The following EGLN1 variants were observed in gnomAD, a reference collection of about 807,000 sequenced individuals.
EGLN1 encodes egl nine homolog 1.
In EGLN1, 17 loss-of-function variants were observed where a neutral mutation model predicts 38.3. The ratio of observed to expected loss-of-function variants is 0.44; its 90% CI spans 0.30 to 0.67. The LOEUF (loss-of-function observed/expected upper bound fraction) is 0.67. Ranked by LOEUF, EGLN1 falls within the 30% of genes least tolerant of loss-of-function variation. The pLI, the probability that EGLN1 is intolerant of heterozygous loss-of-function variation, is 0.08. For synonymous variants in EGLN1, 283 were observed against 257.5 expected, an observed-to-expected ratio of 1.10 and a Z score of -0.95; for missense variants, 477 against 603.3, an observed-to-expected ratio of 0.79 and a Z score of 2.19.
Position 231,421,290 on chromosome 1 carries a change from G to A in EGLN1, c.599C>T (p.Pro200Leu). The A allele has an allele frequency of 1.2e-6, 2 of 1,613,246 alleles. No homozygotes were observed. The highest frequency in any genetic ancestry group is 1.7e-6 in the Non-Finnish European group (2 of 1,179,948). Residue 200 changes from proline (P) to leucine (L), a missense_variant, in exon 1 of 5, where the codon CCG becomes CTG. By Grantham distance (98) the Pro-to-Leu change is moderately conservative. Around this residue, in one of 4 missense-constraint regions of EGLN1, gnomAD observed 119 missense variants for 179.0 expected, o/e 0.66. Coordinates refer to ENST00000366641, the MANE Select transcript of EGLN1 (RefSeq NM_022051.3). This position sits in a 1 kb window ranked among gnomAD's most constrained non-coding sequence, Gnocchi z 5.5. The stretch of plus-strand genomic sequence containing the variant: ...ACAGATGCCGTGCTTGTTCATGCAC[G>A]GCACGATGTACTCGAGCGCCAGCTT... ...ALKLALEYIV[P>L]CMNKHGICVV...
chr1:231,390,635 A>G (rs971468284), intron 1 of EGLN1, among the ~76,000 whole-genome samples: 3 of 152,192 alleles, frequency 2.0e-5, no homozygotes, highest in Admixed American at 6.5e-5. Flanking sequence ...AGCTAACCAC[A>G]TGCCTAGTAA....
At chr1:231,404,946 A>C (rs1006506335) in intron 1 of EGLN1, among the ~76,000 whole-genome samples, 3 of 152,130 alleles carry the variant, frequency 2.0e-5, no homozygotes, top group Non-Finnish European at 4.4e-5. Context: ...CCTTTCTCAC[A>C]GTGCCAAATC....
At chr1:231,402,663 G>A (rs1688692226) in intron 1 of EGLN1, among the ~76,000 whole-genome samples, 2 of 152,136 alleles carry the variant, frequency 1.3e-5, no homozygotes, top group African/African-American at 2.4e-5. Flanking sequence ...TGGAACCCCT[G>A]ACCTCAAGTG....
chr1:231,411,558 C>T (rs979076447), intron 1 of EGLN1, among the ~76,000 whole-genome samples: 1 of 152,146 alleles, frequency 6.6e-6, no homozygotes, highest in African/African-American at 2.4e-5. Context: ...GATGAGATTA[C>T]AGCTTCCTGG....
intron 2 of EGLN1, among the ~76,000 whole-genome samples, chr1:231,373,185 G>C (rs538563446): frequency 1.3e-5 from 2 of 152,254 alleles, no homozygotes; most frequent in Admixed American, 1.3e-4. Flanking sequence ...TACAGGGCTT[G>C]TCAGTACTGA....
rs550228392 is a variant in EGLN1 at position 231,382,022 on chromosome 1, C to G, written c.892-7923G>C. Among the ~76,000 whole-genome samples, 76 of 152,330 alleles carry G rather than the reference C, an allele frequency of 5.0e-4. 1 individual carries two copies. Among genetic ancestry groups the G allele is most frequent in the Admixed American group, 5.0e-3 (76 of 15,310 alleles). On this transcript the variant is annotated intron_variant, in intron 1 of 4. Transcript: ENST00000366641. ...ACTGTTAAGACAGATATTCTGACAG[C>G]TATGGCAAACTTGCTATATTATTAA... is the stretch of plus-strand genomic sequence containing the variant.
intron 1 of EGLN1, among the ~76,000 whole-genome samples, chr1:231,402,799 G>A (rs1688695171): frequency 6.6e-6 from 1 of 151,322 alleles, no homozygotes; most frequent in Admixed American, 6.6e-5. Flanking sequence ...GGACATAAGG[G>A]TCAAGGTTTA....
chr1:231,407,317 T>A (rs1244751442), intron 1 of EGLN1, among the ~76,000 whole-genome samples: 1 of 152,162 alleles, frequency 6.6e-6, no homozygotes, highest in Non-Finnish European at 1.5e-5. Flanking sequence ...AAAGAAATAT[T>A]TCTCAACTTA....
intron 1 of EGLN1, among the ~76,000 whole-genome samples, chr1:231,380,938 G>T (rs1449556778): frequency 6.6e-6 from 1 of 151,760 alleles, no homozygotes; most frequent in African/African-American, 2.4e-5. Context: ...TATTATTTTA[G>T]AGACAGGGTC....
At chr1:231,369,192 T>G (rs1320612430) in intron 3 of EGLN1, among the ~76,000 whole-genome samples, 2 of 152,138 alleles carry the variant, frequency 1.3e-5, no homozygotes, top group Non-Finnish European at 2.9e-5. Flanking sequence ...CTAACACGAC[T>G]GCACCCCTTG....
intron 1 of EGLN1, among the ~76,000 whole-genome samples, chr1:231,388,944 C>T (rs183337916): frequency 2.6e-5 from 4 of 152,274 alleles, no homozygotes; most frequent in Non-Finnish European, 4.4e-5. Context: ...CGTGAGCCAC[C>T]GCGCCCAGCC....
chr1:231,386,458 G>A (rs1388286083), intron 1 of EGLN1, among the ~76,000 whole-genome samples: 2 of 152,290 alleles, frequency 1.3e-5, no homozygotes, highest in South Asian at 2.1e-4. Context: ...AAATAATGAT[G>A]AGTCTGTTTC....
intron 1 of EGLN1, among the ~76,000 whole-genome samples, chr1:231,403,284 T>G (rs188494613): frequency 6.6e-6 from 1 of 152,324 alleles, no homozygotes; most frequent in East Asian, 1.9e-4. Context: ...ATCTTTTATA[T>G]CCTTGTTGAT....
intron 1 of EGLN1, among the ~76,000 whole-genome samples, chr1:231,419,671 TC>T (rs1438028144): frequency 6.6e-6 from 1 of 152,208 alleles, no homozygotes; most frequent in Non-Finnish European, 1.5e-5. Flanking sequence ...ATTCAACTGT[TC>T]CTTTTTAAGA....
chr1:231,376,924 C>T (rs995699213), intron 1 of EGLN1, among the ~76,000 whole-genome samples: 1 of 152,074 alleles, frequency 6.6e-6, no homozygotes, highest in African/African-American at 2.4e-5. Context: ...TGGAACACAG[C>T]GAGCACGGGC....
Position 231,363,982 on chromosome 1 carries a change from C to T in EGLN1, c.*2429G>A, listed in dbSNP as rs1237073705. 4 of 152,116 alleles carry T rather than the reference C, an allele frequency of 2.6e-5. No homozygotes were observed. The highest frequency in any genetic ancestry group is 4.8e-5 in the African/African-American group (2 of 41,412). The allele number at this position is 152,116 out of a possible 1,614,324, so 9.4% of individuals were successfully genotyped here. A position where few individuals can be genotyped will look rare whatever the true frequency, so the allele number is the denominator to read the frequency against. ...CTTTATCTTTAACCAGGATTAAACACATATAGGCCACAAACAGTTTTAAAT... is the reference window on the plus strand; with the variant it reads ...CTTTATCTTTAACCAGGATTAAACATATATAGGCCACAAACAGTTTTAAAT... On this transcript the variant is annotated 3_prime_UTR_variant, in exon 5 of 5. Transcript: ENST00000366641.
intron 1 of EGLN1, among the ~76,000 whole-genome samples, chr1:231,384,809 T>C (rs528891835): frequency 6.6e-4 from 100 of 152,342 alleles, no homozygotes; most frequent in African/African-American, 2.1e-3. Flanking sequence ...TGCAACCACA[T>C]TCATTCAATT....
intron 1 of EGLN1, among the ~76,000 whole-genome samples, chr1:231,419,186 C>T (rs1656467634): frequency 6.6e-6 from 1 of 152,082 alleles, no homozygotes; most frequent in African/African-American, 2.4e-5. Flanking sequence ...TTATTACCTG[C>T]TAATATGTAC....
At chr1:231,420,936 C>T in intron 1 of EGLN1, 62 bp downstream of exon 1, 3 of 1,613,248 alleles carry the variant, frequency 1.9e-6, no homozygotes, top group Non-Finnish European at 2.5e-6. Context: ...CAGTTTCAGT[C>T]GCAGGCAGGG....
Sources: gnomAD v4.1 joint callset for allele counts (sites outside exome capture counted in the v4.1 genomes callset) on GRCh38, gnomAD v4.1.1 for gene constraint, gnomAD v4.1.1 regional missense constraint, Gnocchi (gnomAD v3.1) non-coding constraint, MANE v1.5 for transcripts, NCBI Gene and HGNC (gene_info 2026-07-23, HGNC 2026-07-21) for gene names.